MYO3A: variants seen among roughly 807,000 people sequenced by gnomAD.
MYO3A encodes the protein myosin-IIIa.
Under a neutral mutation model 192.7 loss-of-function variants are expected in MYO3A, and 180 were observed. That is an observed-to-expected ratio of 0.93 (90% confidence interval 0.83 to 1.06). The LOEUF (loss-of-function observed/expected upper bound fraction) is 1.06. Among genes scored for constraint, MYO3A ranks in the 50% least tolerant of loss-of-function variants. The pLI is 0.00. For missense variants in MYO3A, 1,896 were observed against 1,905.0 expected, an observed-to-expected ratio of 1.00 and a Z score of 0.09; for synonymous variants, 628 against 645.3, an observed-to-expected ratio of 0.97 and a Z score of 0.41.
intron 31 of MYO3A, among the ~76,000 whole-genome samples, chr10:26,190,898 C>A (rs531102395): frequency 6.6e-6 from 1 of 152,220 alleles, no homozygotes; most frequent in African/African-American, 2.4e-5. Flanking sequence ...AAAATGAACA[C>A]AAGATCAATA....
At chr10:26,162,158 G>A (rs1841514764) in intron 26 of MYO3A, among the ~76,000 whole-genome samples, 1 of 152,146 alleles carries the variant, frequency 6.6e-6, no homozygotes, top group Non-Finnish European at 1.5e-5. Flanking sequence ...AAGGGTTCCT[G>A]GCAAATAAAT....
chr10:26,177,724 C>T (rs1842403471), intron 31 of MYO3A, among the ~76,000 whole-genome samples: 1 of 152,152 alleles, frequency 6.6e-6, no homozygotes, highest in South Asian at 2.1e-4. Flanking sequence ...TCTCACTGCC[C>T]CGTTCAGGGA....
At chr10:26,003,672 GA>G (rs11295419) in intron 6 of MYO3A, among the ~76,000 whole-genome samples, 14,363 of 151,420 alleles carry the variant, frequency 0.095, 1,193 homozygotes, top group African/African-American at 0.22. Context: ...ACTAATGTCT[GA>G]AAAAAAACAA....
At chr10:26,066,667 T>C (rs1285603163) in intron 10 of MYO3A, among the ~76,000 whole-genome samples, 3 of 152,192 alleles carry the variant, frequency 2.0e-5, no homozygotes, top group African/African-American at 7.2e-5. Flanking sequence ...TTCAGCCTCA[T>C]CACCTTGTAA....
chr10:26,158,883 A>G (rs1015670733), intron 26 of MYO3A, among the ~76,000 whole-genome samples: 4 of 152,184 alleles, frequency 2.6e-5, no homozygotes, highest in Non-Finnish European at 5.9e-5. Flanking sequence ...GTGATTGCAC[A>G]TCAAACTTGA....
At chr10:26,103,971 T>C (rs1049823278) in intron 17 of MYO3A, among the ~76,000 whole-genome samples, 1 of 152,240 alleles carries the variant, frequency 6.6e-6, no homozygotes, top group Non-Finnish European at 1.5e-5. Flanking sequence ...ATGTACTTAT[T>C]GGTCATCTGT....
At position 26,166,020 on chromosome 10, in the gene MYO3A, T is replaced by C. The variant is rs1382889816; in HGVS notation, c.3000-47T>C. On this transcript the variant is annotated intron_variant, in intron 26 of 34. Transcript: ENST00000642920. ...TTGGGGAACCACCAAGCTACAGAGA[T>C]GTTGGCACTTTATGCAATACTAACC... The C allele has an allele frequency of 4.1e-6, 6 of 1,463,548 alleles. No individual in the cohort carries two copies. The East Asian group carries it at 1.4e-4, about 33-fold the overall frequency. 90.7% of individuals were successfully genotyped at this position (1,463,548 alleles called of 1,614,324 possible).
In MYO3A at chr10:25,934,292, C is replaced by A. The variant is rs1479190966; in HGVS notation, c.-141C>A. The A allele has an allele frequency of 2.0e-5, 3 of 152,396 alleles. No individual in the cohort carries two copies. Among genetic ancestry groups the A allele is most frequent in the Admixed American group, 1.3e-4 (2 of 15,292 alleles). 9.4% of individuals were successfully genotyped at this position (152,396 alleles called of 1,614,324 possible). On this transcript the variant is annotated 5_prime_UTR_variant, in exon 1 of 35. Transcript: ENST00000642920. ...AGGGAGCGCCCGTAGCCAGCGCCCC[C>A]GTAAAGAAATAAGGAGGCGCCCGGC...
intron 31 of MYO3A, among the ~76,000 whole-genome samples, chr10:26,178,798 A>G (rs1216388367): frequency 1.3e-5 from 2 of 151,504 alleles, no homozygotes; most frequent in Non-Finnish European, 2.9e-5. Flanking sequence ...ATGTTTATTT[A>G]TTTATTTATT....
intron 4 of MYO3A, among the ~76,000 whole-genome samples, chr10:25,990,877 G>T (rs1300247609): frequency 1.3e-5 from 2 of 152,056 alleles, no homozygotes; most frequent in Non-Finnish European, 2.9e-5. Context: ...ATTCCATGCT[G>T]TATATGTGCC....
chr10:26,088,066 T>G, intron 14 of MYO3A, 137 bp from the exon 15 acceptor site: 1 of 695,408 alleles, frequency 1.4e-6, no homozygotes, highest in Non-Finnish European at 2.3e-6. Context: ...GACCAGGATG[T>G]AACATCTGCC....
chr10:26,153,332 A>T (rs1207185087), intron 23 of MYO3A, among the ~76,000 whole-genome samples: 1 of 152,170 alleles, frequency 6.6e-6, no homozygotes, highest in Non-Finnish European at 1.5e-5. Flanking sequence ...CTCAGGCCAT[A>T]ATTTTTTCAC....
At chr10:26,000,325 A>G (rs1840710585) in intron 6 of MYO3A, among the ~76,000 whole-genome samples, 1 of 152,158 alleles carries the variant, frequency 6.6e-6, no homozygotes. Context: ...TTCGAAATTT[A>G]TTGACGTGCT....
chr10:26,007,243 G>C (rs1395354782), intron 6 of MYO3A, among the ~76,000 whole-genome samples: 2 of 150,166 alleles, frequency 1.3e-5, no homozygotes, highest in East Asian at 3.9e-4. Flanking sequence ...AAAATAATAA[G>C]AGCTATCTAT....
Position 25,949,674 on chromosome 10 carries a change from C to T in MYO3A, c.-17-2420C>T. Among the ~76,000 whole-genome samples, 2 of 152,022 alleles carry T rather than the reference C, an allele frequency of 1.3e-5. 1 individual carries two copies. ...TTTAGCATGTATTCATAGCCATTTA[C>T]TCGATAATGTGCCCGTAAGTATAAT... is the stretch of plus-strand genomic sequence containing the variant. On this transcript the variant is annotated intron_variant, in intron 2 of 34. Transcript: ENST00000642920.
chr10:25,988,939 C>CTTTTTTTTTTTTTTTTTTTTTTTTT (rs56308717), intron 4 of MYO3A, among the ~76,000 whole-genome samples: 2 of 117,016 alleles, frequency 1.7e-5, no homozygotes, highest in Non-Finnish European at 3.5e-5. Context: ...CCCTAAAACT[C>CTTTTTTTTTTTTTTTTTTTTTTTTT]TTTTTTTTTT....
At chr10:26,149,123 G>A (rs2131880790) in intron 23 of MYO3A, among the ~76,000 whole-genome samples, 1 of 151,832 alleles carries the variant, frequency 6.6e-6, no homozygotes, top group South Asian at 2.1e-4. Context: ...AATGTTAACT[G>A]TAGATTTTTT....
intron 4 of MYO3A, among the ~76,000 whole-genome samples, chr10:25,979,321 A>T (rs981229770): frequency 5.3e-5 from 8 of 152,098 alleles, no homozygotes; most frequent in Admixed American, 3.9e-4. Flanking sequence ...TAGTAAGCTT[A>T]AGTAGTTGTA....
At chr10:26,111,344 C>G (rs1838165804) in intron 17 of MYO3A, among the ~76,000 whole-genome samples, 1 of 152,170 alleles carries the variant, frequency 6.6e-6, no homozygotes, top group Non-Finnish European at 1.5e-5. Context: ...CCACCCTGTT[C>G]TAAATATAGT....
Sources: gnomAD v4.1 joint callset for allele counts (sites outside exome capture counted in the v4.1 genomes callset) on GRCh38, gnomAD v4.1.1 for gene constraint, MANE v1.5 for transcripts, NCBI Gene and HGNC (gene_info 2026-07-23, HGNC 2026-07-21) for gene names.